PLPPR1: variants seen among roughly 807,000 people sequenced by gnomAD.
The protein encoded by PLPPR1 is phospholipid phosphatase related 1.
PLPPR1 carries 10 observed loss-of-function variants against 33.1 expected under a neutral mutation model. That is an observed-to-expected ratio of 0.30 (90% confidence interval 0.19 to 0.51). PLPPR1 has a LOEUF of 0.51. PLPPR1 is among the 20% of genes least tolerant of loss of function. The pLI, the probability that PLPPR1 is intolerant of heterozygous loss-of-function variation, is 0.97. For synonymous variants in PLPPR1, 151 were observed against 151.0 expected, an observed-to-expected ratio of 1.00 and a Z score of 0.00; for missense variants, 304 against 408.1, an observed-to-expected ratio of 0.74 and a Z score of 2.20.
At chr9:101,299,430 G>T (rs1369574270) in intron 4 of PLPPR1, among the ~76,000 whole-genome samples, 1 of 152,124 alleles carries the variant, frequency 6.6e-6, no homozygotes, top group Non-Finnish European at 1.5e-5. Flanking sequence ...CCTTTGCTTG[G>T]GTCTCAAGAA....
chr9:101,317,649 T>C (rs561258751), intron 7 of PLPPR1, among the ~76,000 whole-genome samples, 153 bp downstream of exon 7: 3 of 152,334 alleles, frequency 2.0e-5, no homozygotes, highest in East Asian at 3.9e-4. Flanking sequence ...CTTCACTTTT[T>C]CCCCTCAATT....
rs755255985 is a variant in PLPPR1 at position 101,289,779 on chromosome 9, C to T, written c.385+3543C>T. 3.9e-4 allele frequency among the ~76,000 whole-genome samples: 59 copies of T among 152,314 alleles called. 1 individual carries two copies. The highest frequency in any genetic ancestry group is 6.6e-4 in the Non-Finnish European group (45 of 68,018). On this transcript the variant is annotated intron_variant, in intron 4 of 7. Coordinates refer to ENST00000374874, the MANE Select transcript of PLPPR1 (RefSeq NM_207299.2). ...ATGGAACTGTGAGTTCTTCATTAAA[C>T]CTCTTTGCTTTGTAAATCGCCCAAC...
At chr9:101,304,205 C>T (rs1828807139) in intron 4 of PLPPR1, among the ~76,000 whole-genome samples, 1 of 152,188 alleles carries the variant, frequency 6.6e-6, no homozygotes, top group Non-Finnish European at 1.5e-5. Context: ...GAGATATGAT[C>T]CCTGCAACAT....
chr9:101,177,555 G>A (rs1316248986), intron 1 of PLPPR1, among the ~76,000 whole-genome samples: 3 of 152,156 alleles, frequency 2.0e-5, no homozygotes, highest in Admixed American at 6.6e-5. Context: ...CTTCAAAATA[G>A]TTGTTCCAAA....
chr9:101,149,081 T>C (rs1158464762), intron 1 of PLPPR1, among the ~76,000 whole-genome samples: 1 of 152,226 alleles, frequency 6.6e-6, no homozygotes, highest in African/African-American at 2.4e-5. Flanking sequence ...ACCAGTGTTA[T>C]GTATTCTTGC....
chr9:101,235,842 A>T (rs911818083), intron 2 of PLPPR1, among the ~76,000 whole-genome samples: 2 of 151,796 alleles, frequency 1.3e-5, no homozygotes, highest in Non-Finnish European at 2.9e-5. Flanking sequence ...TCATTAGTGT[A>T]ATTTCCTGAA....
At chr9:101,238,757 C>T (rs1165277924) in intron 2 of PLPPR1, among the ~76,000 whole-genome samples, 1 of 151,846 alleles carries the variant, frequency 6.6e-6, no homozygotes, top group East Asian at 1.9e-4. Flanking sequence ...TGTCACAAAA[C>T]TGCACTTGTA....
intron 4 of PLPPR1, among the ~76,000 whole-genome samples, chr9:101,293,395 G>A (rs879372926): frequency 2.3e-4 from 35 of 151,074 alleles, no homozygotes; most frequent in Admixed American, 1.3e-3. Context: ...ACAGATCAAC[G>A]AGACAGAAAG....
At chr9:101,055,613 C>G (rs934883602) in intron 1 of PLPPR1, among the ~76,000 whole-genome samples, 1 of 152,206 alleles carries the variant, frequency 6.6e-6, no homozygotes, top group Non-Finnish European at 1.5e-5. Flanking sequence ...CCTTAGTATT[C>G]TGCTTTAGAT....
At chr9:101,056,850 A>G (rs1286235065) in intron 1 of PLPPR1, among the ~76,000 whole-genome samples, 3 of 152,094 alleles carry the variant, frequency 2.0e-5, no homozygotes, top group Non-Finnish European at 4.4e-5. Context: ...ATGGGGATGG[A>G]GTGGACTGAA....
At chr9:101,209,403 A>G (rs913970520) in intron 2 of PLPPR1, among the ~76,000 whole-genome samples, 1 of 152,228 alleles carries the variant, frequency 6.6e-6, no homozygotes, top group East Asian at 1.9e-4. Context: ...AGACAGGACC[A>G]ACCTTAATTG....
intron 1 of PLPPR1, among the ~76,000 whole-genome samples, chr9:101,095,262 T>C (rs1480195337): frequency 8.2e-6 from 1 of 122,266 alleles, no homozygotes; most frequent in Non-Finnish European, 1.9e-5. Context: ...CTGGGACTTC[T>C]ATTCATTCCC....
chr9:101,283,553 G>A (rs1349534263), intron 3 of PLPPR1, among the ~76,000 whole-genome samples: 1 of 152,040 alleles, frequency 6.6e-6, no homozygotes, highest in Non-Finnish European at 1.5e-5. Flanking sequence ...AAAGCAATGA[G>A]GTCTTACATA....
intron 1 of PLPPR1, among the ~76,000 whole-genome samples, chr9:101,146,377 T>C (rs1224810737): frequency 6.6e-6 from 1 of 152,210 alleles, no homozygotes; most frequent in Non-Finnish European, 1.5e-5. Context: ...ATACCTGATA[T>C]TAAGCCTCCC....
chr9:101,034,468 G>A (rs2252245), intron 1 of PLPPR1, among the ~76,000 whole-genome samples: 52,977 of 151,936 alleles, frequency 0.35, 9,781 homozygotes, highest in Non-Finnish European at 0.41. Context: ...GTAGCACAGC[G>A]GTTAAGAGCA....
intron 1 of PLPPR1, among the ~76,000 whole-genome samples, chr9:101,143,456 C>T (rs1314846271): frequency 6.6e-6 from 1 of 152,092 alleles, no homozygotes; most frequent in Non-Finnish European, 1.5e-5. Flanking sequence ...AGAGCTTCTG[C>T]ACAGCGAAAT....
At chr9:101,079,410 G>A (rs553025461) in intron 1 of PLPPR1, among the ~76,000 whole-genome samples, 1 of 152,214 alleles carries the variant, frequency 6.6e-6, no homozygotes, top group Non-Finnish European at 1.5e-5. Flanking sequence ...AAGAGGGAAG[G>A]TTTTGTTGTT....
At chr9:101,294,124 C>T (rs1231773744) in intron 4 of PLPPR1, among the ~76,000 whole-genome samples, 4 of 152,098 alleles carry the variant, frequency 2.6e-5, no homozygotes, top group Non-Finnish European at 5.9e-5. Context: ...GGGGATATCA[C>T]CACCGATCCC....
intron 1 of PLPPR1, among the ~76,000 whole-genome samples, chr9:101,137,269 A>G (rs1403146592): frequency 6.6e-6 from 1 of 152,188 alleles, no homozygotes; most frequent in Non-Finnish European, 1.5e-5. Context: ...AGAAATATGT[A>G]AAGGCAAGAG....
Sources: allele counts gnomAD v4.1 joint callset (sites outside exome capture counted in the v4.1 genomes callset), GRCh38; gene constraint gnomAD v4.1.1; transcripts MANE v1.5; gene names NCBI Gene and HGNC (gene_info 2026-07-23, HGNC 2026-07-21).